The following CELF2 variants were observed in gnomAD, a reference collection of about 807,000 sequenced individuals.
The protein encoded by CELF2 is CUGBP Elav-like family member 2.
A neutral mutation model predicts 62.6 loss-of-function variants in CELF2; 8 were observed. The ratio of observed to expected loss-of-function variants is 0.13; its 90% CI spans 0.07 to 0.23. The LOEUF is 0.23. Ranked by LOEUF, CELF2 falls within the 10% of genes least tolerant of loss-of-function variation. The probability of loss-of-function intolerance (pLI) is 1.00; values close to 1 mark genes in which losing one functional copy is unlikely to be tolerated. For synonymous variants in CELF2, 258 were observed against 250.0 expected (o/e 1.03, Z -0.30); for missense variants, 333 against 671.0 (o/e 0.50, Z 5.56).
At chr10:11,204,441 C>A (rs1179876893) in intron 2 of CELF2, among the ~76,000 whole-genome samples, 1 of 152,154 alleles carries the variant, frequency 6.6e-6, no homozygotes, top group Non-Finnish European at 1.5e-5. Flanking sequence ...GAAAAGAAAA[C>A]CATATTGCTA....
At chr10:10,953,508 C>T (rs1432346700) in intron 2 of CELF2, among the ~76,000 whole-genome samples, 3 of 152,218 alleles carry the variant, frequency 2.0e-5, no homozygotes, top group African/African-American at 7.2e-5. Flanking sequence ...ATCCTACCTA[C>T]ACTTTCTTGT....
the CELF2 span, among the ~76,000 whole-genome samples, chr10:10,664,899 T>C: frequency 6.6e-6 from 1 of 152,238 alleles, no homozygotes; most frequent in Non-Finnish European, 1.5e-5. Flanking sequence ...ACATTTACTG[T>C]TCGAACTAAA....
At chr10:11,033,558 CAG>C (rs1052934394) in intron 1 of CELF2, among the ~76,000 whole-genome samples, 9 of 152,174 alleles carry the variant, frequency 5.9e-5, no homozygotes, top group East Asian at 3.9e-4. Flanking sequence ...TGCCTGGCCT[CAG>C]GGCACATTTT....
intron 1 of CELF2, among the ~76,000 whole-genome samples, chr10:11,084,466 G>C (rs1248115736): frequency 6.6e-6 from 1 of 152,188 alleles, no homozygotes; most frequent in African/African-American, 2.4e-5. Flanking sequence ...GGGGTGCTGA[G>C]TGGTGAATGT....
At chr10:10,712,780 T>C in the CELF2 span, among the ~76,000 whole-genome samples, 4 of 152,164 alleles carry the variant, frequency 2.6e-5, no homozygotes, top group African/African-American at 9.7e-5. Flanking sequence ...TTTGCTTTGC[T>C]CTCCAAAATA....
chr10:10,803,131 T>C (rs2054839189), intron 1 of CELF2, among the ~76,000 whole-genome samples: 1 of 152,222 alleles, frequency 6.6e-6, no homozygotes, highest in Non-Finnish European at 1.5e-5. Context: ...CTCATTTTGC[T>C]AAGAATGCTA....
chr10:11,072,811 A>G (rs1033204395), intron 1 of CELF2, among the ~76,000 whole-genome samples: 14 of 144,406 alleles, frequency 9.7e-5, no homozygotes, highest in Non-Finnish European at 1.7e-4. Context: ...GTGAATCCTG[A>G]TTTCCCTTTT....
At chr10:10,797,823 GT>G (rs769046511), upstream of CELF2, among the ~76,000 whole-genome samples, 9 of 152,148 alleles carry the variant, frequency 5.9e-5, no homozygotes, top group Non-Finnish European at 1.2e-4. Flanking sequence ...AATCAGTACA[GT>G]CCCGAAGAAC....
chr10:10,887,920 C>T (rs1437296501), intron 1 of CELF2, among the ~76,000 whole-genome samples: 5 of 152,120 alleles, frequency 3.3e-5, no homozygotes, highest in South Asian at 2.1e-4. Context: ...TACTGGCATA[C>T]GCCACCACAC....
At chr10:11,088,480 G>T (rs974028030) in intron 1 of CELF2, among the ~76,000 whole-genome samples, 3 of 152,170 alleles carry the variant, frequency 2.0e-5, no homozygotes, top group Non-Finnish European at 4.4e-5. Context: ...TTATAGCAGG[G>T]CATGGCATGG....
chr10:10,751,450 A>T, the CELF2 span, among the ~76,000 whole-genome samples: 1 of 152,148 alleles, frequency 6.6e-6, no homozygotes, highest in Non-Finnish European at 1.5e-5. Flanking sequence ...CAGAATGATA[A>T]CTCCTTAAGG....
chr10:10,855,981 C>T (rs557244403), intron 1 of CELF2, among the ~76,000 whole-genome samples: 65 of 152,086 alleles, frequency 4.3e-4, no homozygotes, highest in African/African-American at 1.4e-3. Flanking sequence ...CTGGAGAAAC[C>T]GGATCTAAGA....
At chr10:11,275,014 T>A in intron 7 of CELF2, 43 bp from the exon 8 acceptor site, 1 of 1,587,440 alleles carries the variant, frequency 6.3e-7, no homozygotes, top group Non-Finnish European at 8.7e-7. Context: ...GGAGTTACTT[T>A]GCTCTCACCG....
chr10:10,699,055 G>A, the CELF2 span, among the ~76,000 whole-genome samples: 1,567 of 151,754 alleles, frequency 0.01, 11 homozygotes, highest in Non-Finnish European at 0.017. Flanking sequence ...TGTTATCTAC[G>A]TATATTTATA....
At position 11,054,489 on chromosome 10, in the gene CELF2, TTGTGTGTG is replaced by T. The variant is rs35465939; in HGVS notation, c.74+36352_74+36359del. On this transcript the variant is annotated intron_variant, in intron 1 of 12. Coordinates refer to ENST00000633077, the MANE Select transcript of CELF2 (RefSeq NM_001326342.2). ...GAAGAAAACAACTGTGTATGTGTGT[TTGTGTGTG>T]TGTGTGTGTGTGTGTGTGTGTGTGT... is the stretch of plus-strand genomic sequence containing the variant. Among the ~76,000 whole-genome samples, 14 of 149,582 alleles carry T rather than the reference TTGTGTGTG, an allele frequency of 9.4e-5. No homozygotes were observed. In the East Asian group the frequency reaches 1.4e-3, roughly 15 times the overall value.
intron 1 of CELF2, among the ~76,000 whole-genome samples, chr10:10,819,676 T>A (rs1319579821): frequency 6.6e-6 from 1 of 152,194 alleles, no homozygotes; most frequent in Non-Finnish European, 1.5e-5. Context: ...CCTTTATCTT[T>A]GACCTTCTTT....
the CELF2 span, among the ~76,000 whole-genome samples, chr10:10,716,526 G>T: frequency 6.6e-6 from 1 of 152,140 alleles, no homozygotes; most frequent in African/African-American, 2.4e-5. Flanking sequence ...GGGTGATAAA[G>T]CAAGACTCAG....
At chr10:10,969,059 C>A (rs117217555) in intron 2 of CELF2, among the ~76,000 whole-genome samples, 438 of 152,244 alleles carry the variant, frequency 2.9e-3, no homozygotes, top group Non-Finnish European at 5.2e-3. Flanking sequence ...ATGATTATGA[C>A]AAGAGTATCT....
At chr10:10,490,171 G>T in the CELF2 span, among the ~76,000 whole-genome samples, 18 of 152,154 alleles carry the variant, frequency 1.2e-4, no homozygotes, top group Non-Finnish European at 4.4e-5. Context: ...CTTTAGGCTT[G>T]CCTAAATATC....
Sources: gnomAD v4.1 joint callset for allele counts (sites outside exome capture counted in the v4.1 genomes callset) on GRCh38, gnomAD v4.1.1 for gene constraint, MANE v1.5 for transcripts, NCBI Gene and HGNC (gene_info 2026-07-23, HGNC 2026-07-21) for gene names.